The following RADIL variants were observed in gnomAD, a reference collection of about 807,000 sequenced individuals.
RADIL encodes the protein Rap associating with DIL domain, also known as ras-associating and dilute domain-containing protein.
Under a neutral mutation model 97.6 loss-of-function variants are expected in RADIL, and 99 were observed. That is an observed-to-expected ratio of 1.01 (90% CI 0.86 to 1.20). The LOEUF (loss-of-function observed/expected upper bound fraction) is 1.20, where lower values mean the gene tolerates loss of function less well. Among genes scored for constraint, RADIL ranks in the 50% most tolerant of loss-of-function variants. The pLI is 0.00. For synonymous variants in RADIL, 803 were observed against 691.8 expected, an observed-to-expected ratio of 1.16 and a Z score of -2.52; for missense variants, 1,765 against 1,498.9, an observed-to-expected ratio of 1.18 and a Z score of -2.93.
Position 4,842,779 on chromosome 7 carries a change from G to A in RADIL, c.536-6174C>T, listed in dbSNP as rs1783476568. ...GCAGGCCTCAGAGATGAAGTGACTA[G>A]GAGTGGAGACGGAGGGGATAATGAA... On this transcript the variant is annotated intron_variant, in intron 2 of 14. Transcript: ENST00000399583. This position sits in a 1 kb window ranked among gnomAD's most constrained non-coding sequence, Gnocchi z 4.5. 6.6e-6 allele frequency among the ~76,000 whole-genome samples: 1 copy of A among 152,118 alleles called. No individual in the cohort carries two copies. Among genetic ancestry groups the A allele is most frequent in the African/African-American group, 2.4e-5 (1 of 41,414 alleles).
chr7:4,823,182 G>A (rs1310591752), intron 5 of RADIL, among the ~76,000 whole-genome samples: 5 of 152,270 alleles, frequency 3.3e-5, no homozygotes, highest in Non-Finnish European at 7.4e-5. Flanking sequence ...GAGGCCAGGC[G>A]TGGTGGCTCA....
In RADIL at chr7:4,880,178, G is replaced by C. The variant is rs1021483331; in HGVS notation, c.-64-1975C>G. On this transcript the variant is annotated intron_variant, in intron 1 of 14. Coordinates refer to ENST00000399583, the MANE Select transcript of RADIL (RefSeq NM_018059.5). This position sits in a 1 kb window ranked among gnomAD's most constrained non-coding sequence, Gnocchi z 4.5. ...TCCCAGTACAGGTCATAAGCAGATG[G>C]AGCCTTGAGGTTCCATCGAGCCAGG... is the stretch of plus-strand genomic sequence containing the variant. 2.6e-5 allele frequency among the ~76,000 whole-genome samples: 4 copies of C among 152,122 alleles called. No homozygotes were observed. The highest frequency in any genetic ancestry group is 7.2e-5 in the African/African-American group (3 of 41,424).
Position 4,815,375 on chromosome 7 carries a change from A to G in RADIL, c.2042T>C (p.Met681Thr), listed in dbSNP as rs1190626998. The G allele has an allele frequency of 6.4e-7, 1 of 1,564,708 alleles. No individual in the cohort carries two copies. The highest frequency in any genetic ancestry group is 1.3e-5 in the African/African-American group (1 of 74,324). The change falls in exon 9 of 15, where the codon ATG (methionine) becomes ACG (threonine). Residue 681 changes from methionine to threonine, a missense_variant. By Grantham distance (81) the Met-to-Thr change is moderately conservative. Coordinates refer to ENST00000399583, the MANE Select transcript of RADIL (RefSeq NM_018059.5). The surrounding 1 kb of genome is among the most constrained non-coding windows in gnomAD (Gnocchi z 8.0). ...AGCCGCCCCGAAGCCGGCGCTCCGC[A>G]TCCACTCCAGGAGCTGCTGCAGGCG... ...CARLQQLLEW[M>T]RSAGFGAAGE...
chr7:4,817,297 G>A lies in RADIL; in HGVS notation c.1670C>T (p.Ala557Val), dbSNP rs369367147. 1.7e-5 allele frequency: 28 copies of A among 1,612,508 alleles called. No homozygotes were observed. Among genetic ancestry groups the A allele is most frequent in the East Asian group, 8.9e-5 (4 of 44,880 alleles). Reference protein sequence around the residue: ...CTLTASEEAMAVLEEVVLYAF... With the variant: ...CTLTASEEAMVVLEEVVLYAF... Reference sequence around the variant, plus strand: ...GTACAGCACCACCTCCTCCAGCACCGCCATGGCCTCCTCGCTGGCCGTCAG... The same window carrying A: ...GTACAGCACCACCTCCTCCAGCACCACCATGGCCTCCTCGCTGGCCGTCAG... The change falls in exon 7 of 15, where the codon GCG becomes GTG. Residue 557 changes from alanine to valine, a missense_variant. By Grantham distance (64) the Ala-to-Val change is moderately conservative. Transcript: ENST00000399583. The surrounding 1 kb of genome is among the most constrained non-coding windows in gnomAD (Gnocchi z 8.3).
At chr7:4,801,146 A>G (rs558686212) in intron 12 of RADIL, among the ~76,000 whole-genome samples, 22 of 141,216 alleles carry the variant, frequency 1.6e-4, no homozygotes, top group African/African-American at 5.8e-4. Flanking sequence ...GCAGAGATGC[A>G]CACACAATGC....
At position 4,824,147 on chromosome 7, in the gene RADIL, C is replaced by A. The variant is rs1272701676; in HGVS notation, c.1455-1593G>T. On this transcript the variant is annotated intron_variant, in intron 5 of 14. Transcript: ENST00000399583. The surrounding 1 kb of genome is among the most constrained non-coding windows in gnomAD (Gnocchi z 6.7). ...GGTCTGCCTGGGGTGTGGAGGGCGG[C>A]CCTGCTGCCTGCCCCATGGCTGGCC... Among the ~76,000 whole-genome samples the A allele has an allele frequency of 1.3e-5, 2 of 152,226 alleles. No homozygotes were observed. The highest frequency in any genetic ancestry group is 2.9e-5 in the Non-Finnish European group (2 of 68,036).
At chr7:4,830,491 C>T (rs1182001818) in intron 5 of RADIL, among the ~76,000 whole-genome samples, 1 of 152,164 alleles carries the variant, frequency 6.6e-6, no homozygotes, top group African/African-American at 2.4e-5. Flanking sequence ...CCAGGAGCTG[C>T]GCCTTTCCCT....
At position 4,836,608 on chromosome 7, in the gene RADIL, G is replaced by A. The variant is rs916138224; in HGVS notation, c.536-3C>T. 26 of 1,606,168 alleles carry A rather than the reference G, an allele frequency of 1.6e-5. No homozygotes were observed. The highest frequency in any genetic ancestry group is 2.1e-5 in the Non-Finnish European group (25 of 1,179,682). On this transcript the variant is annotated splice_region_variant and splice_polypyrimidine_tract_variant and intron_variant, in intron 2 of 14. Coordinates refer to ENST00000399583, the MANE Select transcript of RADIL (RefSeq NM_018059.5). ...CCTCCGGGCCTGGGCGTTTATCCCT[G>A]GAACAGAAGCAACACAAGGTGAACA...
At chr7:4,807,124 C>G (rs190968) in intron 9 of RADIL, among the ~76,000 whole-genome samples, 1 of 152,108 alleles carries the variant, frequency 6.6e-6, no homozygotes, top group African/African-American at 2.4e-5. Flanking sequence ...TGGGTCCCCT[C>G]TGTTCTCACC....
chr7:4,809,278 C>A, intron 9 of RADIL: 1 of 985,394 alleles, frequency 1.0e-6, no homozygotes, highest in Non-Finnish European at 1.2e-6. Flanking sequence ...CCGGGGCCCC[C>A]CTTCCATCAC....
Position 4,814,322 on chromosome 7 carries a change from C to CT in RADIL, c.2139+955dup, listed in dbSNP as rs1203361521. ...TTCTACAGTCAATAAAAATGCTTCA[C>CT]TTTTTTTTTCTTTTGAGACAGGGCC... is the stretch of plus-strand genomic sequence containing the variant. On this transcript the variant is annotated intron_variant, in intron 9 of 14. Coordinates refer to ENST00000399583, the MANE Select transcript of RADIL (RefSeq NM_018059.5). This position sits in a 1 kb window ranked among gnomAD's most constrained non-coding sequence, Gnocchi z 4.5. Among the ~76,000 whole-genome samples, 6 of 151,708 alleles carry CT rather than the reference C, an allele frequency of 4.0e-5. No individual in the cohort carries two copies. Among genetic ancestry groups the CT allele is most frequent in the Non-Finnish European group, 5.9e-5 (4 of 67,920 alleles).
At chr7:4,808,498 G>C (rs1386818560) in intron 9 of RADIL, 8 of 869,158 alleles carry the variant, frequency 9.2e-6, no homozygotes, top group African/African-American at 1.8e-5. Flanking sequence ...CCCCAAGCTA[G>C]AAATGGTTTT....
chr7:4,865,764 T>C, intron 2 of RADIL: 2 of 1,051,630 alleles, frequency 1.9e-6, no homozygotes, highest in Non-Finnish European at 3.0e-6. Context: ...GCTTATTTTT[T>C]TTGCCCCCCT....
At chr7:4,820,014 C>T (rs1470585234) in intron 6 of RADIL, among the ~76,000 whole-genome samples, 2 of 152,228 alleles carry the variant, frequency 1.3e-5, no homozygotes, top group East Asian at 1.9e-4. Flanking sequence ...CAGGCAGCCA[C>T]GAAGCCACGT....
rs1784519541 is a variant in RADIL at position 4,883,152 on chromosome 7, G to T, written c.-65+444C>A. On this transcript the variant is annotated intron_variant, in intron 1 of 14. Coordinates refer to ENST00000399583, the MANE Select transcript of RADIL (RefSeq NM_018059.5). The surrounding 1 kb of genome is among the most constrained non-coding windows in gnomAD (Gnocchi z 7.1). Reference sequence around the variant, plus strand: ...GTCTCGCCGGCCCAGGTGGGAGAGCGCGCGGAACCCTGCGCCCCGCTCCCC... The same window carrying T: ...GTCTCGCCGGCCCAGGTGGGAGAGCTCGCGGAACCCTGCGCCCCGCTCCCC... Among the ~76,000 whole-genome samples, 1 of 145,756 alleles carries T rather than the reference G, an allele frequency of 6.9e-6. No homozygotes were observed. The highest frequency in any genetic ancestry group is 2.1e-4 in the South Asian group (1 of 4,824).
chr7:4,818,745 G>T lies in RADIL; in HGVS notation c.1616-1394C>A, dbSNP rs1782747522. ...GGTGCCCTGACCCTGGCTGCCTCAG[G>T]CTGCCAGGTCTGAGAACCCAGCCCC... On this transcript the variant is annotated intron_variant, in intron 6 of 14. Transcript: ENST00000399583. This position sits in a 1 kb window ranked among gnomAD's most constrained non-coding sequence, Gnocchi z 7.1. Among the ~76,000 whole-genome samples the T allele has an allele frequency of 6.6e-6, 1 of 152,106 alleles. No homozygotes were observed. Among genetic ancestry groups the T allele is most frequent in the South Asian group, 2.1e-4 (1 of 4,826 alleles).
Position 4,824,959 on chromosome 7 carries a change from G to A in RADIL, c.1455-2405C>T, listed in dbSNP as rs1426531914. ...ACTGGAGTTTCGGGATCAGACTCGG[G>A]CCAGGTTGGCACTGAACGCGCCCCC... On this transcript the variant is annotated intron_variant, in intron 5 of 14. Transcript: ENST00000399583. This position sits in a 1 kb window ranked among gnomAD's most constrained non-coding sequence, Gnocchi z 6.7. Among the ~76,000 whole-genome samples the A allele has an allele frequency of 6.6e-6, 1 of 152,184 alleles. No homozygotes were observed. The highest frequency in any genetic ancestry group is 1.5e-5 in the Non-Finnish European group (1 of 68,028).
At position 4,805,404 on chromosome 7, in the gene RADIL, C is replaced by CG. The variant is rs988236473; in HGVS notation, c.2290+161dup. On this transcript the variant is annotated intron_variant, in intron 10 of 14. Coordinates refer to ENST00000399583, the MANE Select transcript of RADIL (RefSeq NM_018059.5). ...CCGGATCCCCAGGTTGGGGATGGGG[C>CG]GGGGCGGGGGGGTCCTCTGGGTGGA... 2.6e-4 allele frequency: 198 copies of CG among 770,940 alleles called. 2 individuals are homozygous for CG. In the African/African-American group the frequency reaches 4.6e-3, roughly 18 times the overall value. 47.8% of individuals were successfully genotyped at this position (770,940 alleles called of 1,614,324 possible). A position where few individuals can be genotyped will look rare whatever the true frequency, so the allele number is the denominator to read the frequency against.
At chr7:4,809,519 G>C in intron 9 of RADIL, 1 of 985,418 alleles carries the variant, frequency 1.0e-6, no homozygotes, top group Non-Finnish European at 1.2e-6. Context: ...ACAAGAACGT[G>C]GGCGGCGGCT....
Sources: allele counts gnomAD v4.1 joint callset (sites outside exome capture counted in the v4.1 genomes callset), GRCh38; gene constraint gnomAD v4.1.1; non-coding constraint Gnocchi (gnomAD v3.1); transcripts MANE v1.5; gene names NCBI Gene and HGNC (gene_info 2026-07-23, HGNC 2026-07-21).